Variants in PCDHGB3 observed in about 807,000 individuals in gnomAD.
PCDHGB3 encodes the protein protocadherin gamma-B3.
PCDHGB3 carries 40 observed loss-of-function variants against 59.2 expected under a neutral mutation model. The observed-to-expected ratio is 0.68, with a 90% CI of 0.52 to 0.88. The LOEUF (loss-of-function observed/expected upper bound fraction) is 0.88. Ranked by LOEUF, PCDHGB3 falls within the 40% of genes least tolerant of loss-of-function variation. The probability of loss-of-function intolerance (pLI) is 0.00; values close to 1 mark genes in which losing one functional copy is unlikely to be tolerated. For missense variants in PCDHGB3, 1,309 were observed against 1,187.9 expected, an observed-to-expected ratio of 1.10 and a Z score of -1.50; for synonymous variants, 581 against 503.6, an observed-to-expected ratio of 1.15 and a Z score of -2.06.
Position 141,399,482 on chromosome 5 carries a change from C to T in PCDHGB3, c.2415+26673C>T, listed in dbSNP as rs559370708. 8.1e-6 allele frequency: 13 copies of T among 1,613,934 alleles called. No individual in the cohort carries two copies. In the South Asian group the frequency reaches 1.3e-4, roughly 16 times the overall value. ...AACGCTCCGGTTTTCCACCAGGCGT[C>T]CTACTTAGTCAGTGTACCCGAAAAC... On this transcript the variant is annotated intron_variant, in intron 1 of 3. Coordinates refer to ENST00000576222, the MANE Select transcript of PCDHGB3 (RefSeq NM_018924.5).
At chr5:141,423,003 G>A (rs779233337) in intron 1 of PCDHGB3, 1 of 1,614,208 alleles carries the variant, frequency 6.2e-7, no homozygotes, top group African/African-American at 1.3e-5. Flanking sequence ...TGACCAAGGT[G>A]GTTGCGGTGG....
chr5:141,456,968 A>AAAACAAAC (rs202005606), intron 1 of PCDHGB3, among the ~76,000 whole-genome samples: 1 of 152,282 alleles, frequency 6.6e-6, no homozygotes, highest in Admixed American at 6.5e-5. Flanking sequence ...ATCTCAAAAC[A>AAAACAAAC]AAACAAACAA....
At chr5:141,503,729 G>C (rs531112359) in intron 2 of PCDHGB3, among the ~76,000 whole-genome samples, 1 of 152,190 alleles carries the variant, frequency 6.6e-6, no homozygotes, top group East Asian at 1.9e-4. Flanking sequence ...CTTTATGTTT[G>C]TTGTGATGGT....
In PCDHGB3 at chr5:141,372,202, G is replaced by T. The variant is rs765463778; in HGVS notation, c.1808G>T (p.Trp603Leu). The change falls in exon 1 of 4, where the codon TGG becomes TTG. Residue 603 changes from tryptophan to leucine, a missense_variant. By Grantham distance (61) the Trp-to-Leu change is moderately conservative (BLOSUM62 -2). Coordinates refer to ENST00000576222, the MANE Select transcript of PCDHGB3 (RefSeq NM_018924.5). Reference protein sequence around the residue: ...AVDADSGYNAWLSYHIVQASE... With the variant: ...AVDADSGYNALLSYHIVQASE... ...GACGCAGACTCGGGATACAACGCCT[G>T]GCTGTCCTACCACATTGTGCAGGCC... 1.2e-6 allele frequency: 2 copies of T among 1,613,574 alleles called. No individual in the cohort carries two copies. Among genetic ancestry groups the T allele is most frequent in the South Asian group, 2.2e-5 (2 of 91,086 alleles).
At chr5:141,502,216 A>G (rs957759583) in intron 2 of PCDHGB3, among the ~76,000 whole-genome samples, 3 of 152,334 alleles carry the variant, frequency 2.0e-5, no homozygotes, top group Admixed American at 6.5e-5. Context: ...GCAGATTTTC[A>G]TAAATGTTCT....
chr5:141,397,967 C>T (rs931333276), intron 1 of PCDHGB3: 2 of 1,110,472 alleles, frequency 1.8e-6, no homozygotes, highest in Non-Finnish European at 2.5e-6. Context: ...CTCAGACTCC[C>T]CAGCGCCGGC....
chr5:141,465,483 A>T (rs1279787337), intron 1 of PCDHGB3, among the ~76,000 whole-genome samples: 1 of 152,236 alleles, frequency 6.6e-6, no homozygotes, highest in Non-Finnish European at 1.5e-5. Flanking sequence ...TCATGAGAGG[A>T]ATGAGCGGGA....
intron 1 of PCDHGB3, chr5:141,399,057 A>C (rs747872462): frequency 6.2e-7 from 1 of 1,613,840 alleles, no homozygotes; most frequent in Admixed American, 1.7e-5. Context: ...AGACCAAGGA[A>C]TATTCAATGG....
intron 1 of PCDHGB3, chr5:141,384,779 G>A (rs1252058358): frequency 6.2e-6 from 10 of 1,613,592 alleles, no homozygotes; most frequent in East Asian, 2.2e-5. Context: ...GGCGAGGTGC[G>A]CACGGCTCGG....
intron 1 of PCDHGB3, chr5:141,373,875 AAATC>A (rs3840507): frequency 0.061 from 29,734 of 483,624 alleles, 1,189 homozygotes; most frequent in African/African-American, 0.14. Context: ...CTGGGCAAGA[AAATC>A]AACGGAAACT....
chr5:141,427,998 C>T, intron 1 of PCDHGB3: 1 of 1,600,956 alleles, frequency 6.2e-7, no homozygotes, highest in Non-Finnish European at 8.6e-7. Flanking sequence ...TGGCTCCGCA[C>T]TCTTCGATAT....
chr5:141,408,806 C>A (rs1368887332), intron 1 of PCDHGB3: 2 of 1,612,894 alleles, frequency 1.2e-6, no homozygotes, highest in African/African-American at 1.3e-5. Flanking sequence ...ACTCCTAGAC[C>A]GGGAAGAACA....
At chr5:141,392,891 C>G in intron 1 of PCDHGB3, 1 of 1,613,594 alleles carries the variant, frequency 6.2e-7, no homozygotes, top group Non-Finnish European at 8.5e-7. Context: ...TGTGGGAAAT[C>G]GGGAGGGGAC....
Position 141,372,532 on chromosome 5 carries a change from T to A in PCDHGB3, c.2138T>A (p.Leu713Gln). 1 of 1,614,022 alleles carries A rather than the reference T, an allele frequency of 6.2e-7. No homozygotes were observed. The highest frequency in any genetic ancestry group is 2.2e-5 in the East Asian group (1 of 44,880). Residue 713 changes from leucine to glutamine, a missense_variant, in exon 1 of 4, where the codon CTG becomes CAG. Leu to Gln is a moderately radical substitution (Grantham distance 113). Transcript: ENST00000576222. Reference sequence around the variant, plus strand: ...CTCGCGGTGATTCTGGCAATCTCCCTGCGCCTGCGATGCTCCTCCAGACCC... The same window carrying A: ...CTCGCGGTGATTCTGGCAATCTCCCAGCGCCTGCGATGCTCCTCCAGACCC... Reference protein sequence around the residue: ...FLLAVILAISLRLRCSSRPAT... With the variant: ...FLLAVILAISQRLRCSSRPAT...
At chr5:141,388,877 G>A in intron 1 of PCDHGB3, 1 of 1,613,936 alleles carries the variant, frequency 6.2e-7, no homozygotes, top group Non-Finnish European at 8.5e-7. Flanking sequence ...AATGCACAGT[G>A]GAGGTAGAAG....
At chr5:141,506,119 G>T (rs1171566108) in intron 3 of PCDHGB3, among the ~76,000 whole-genome samples, 1 of 152,106 alleles carries the variant, frequency 6.6e-6, no homozygotes, top group African/African-American at 2.4e-5. Context: ...AGTCACTAGG[G>T]CCCAGAGCAG....
intron 1 of PCDHGB3, chr5:141,375,175 A>C (rs1771211157): frequency 6.2e-7 from 1 of 1,614,024 alleles, no homozygotes; most frequent in Non-Finnish European, 8.5e-7. Flanking sequence ...CTCCAGGAAC[A>C]GTAATCGCCC....
chr5:141,491,178 C>T lies in PCDHGB3; in HGVS notation c.2416-3629C>T, dbSNP rs774139827. 6.2e-7 allele frequency: 1 copy of T among 1,614,146 alleles called. No individual in the cohort carries two copies. The highest frequency in any genetic ancestry group is 8.5e-7 in the Non-Finnish European group (1 of 1,179,992). On this transcript the variant is annotated intron_variant, in intron 1 of 3. Coordinates refer to ENST00000576222, the MANE Select transcript of PCDHGB3 (RefSeq NM_018924.5). The surrounding 1 kb of genome is among the most constrained non-coding windows in gnomAD (Gnocchi z 6.9). ...ACTCTGACACCCAGCAGGTGGTGGT[C>T]CTGGTGAGGGACAATGGTGACCCTT...
chr5:141,469,500 G>A (rs1471801110), intron 1 of PCDHGB3, among the ~76,000 whole-genome samples: 4 of 151,914 alleles, frequency 2.6e-5, no homozygotes, highest in South Asian at 2.1e-4. Flanking sequence ...GCTTGAACCC[G>A]GGAGGTGGAG....
Sources: allele counts gnomAD v4.1 joint callset (sites outside exome capture counted in the v4.1 genomes callset), GRCh38; gene constraint gnomAD v4.1.1; non-coding constraint Gnocchi (gnomAD v3.1); transcripts MANE v1.5; gene names NCBI Gene and HGNC (gene_info 2026-07-23, HGNC 2026-07-21).